MCCC2: variants seen among roughly 807,000 people sequenced by gnomAD.
MCCC2 encodes methylcrotonoyl-CoA carboxylase beta chain, mitochondrial.
In MCCC2, 52 loss-of-function variants were observed where a neutral mutation model predicts 77.2. The observed-to-expected ratio is 0.67, with a 90% confidence interval of 0.54 to 0.85. MCCC2 has a LOEUF of 0.85. Among genes scored for constraint, MCCC2 ranks in the 40% least tolerant of loss-of-function variants. The pLI, the probability that MCCC2 is intolerant of heterozygous loss-of-function variation, is 0.00. For missense variants in MCCC2, 682 were observed against 703.2 expected (o/e 0.97, Z 0.34); for synonymous variants, 253 against 248.4 (o/e 1.02, Z -0.18).
intron 6 of MCCC2, among the ~76,000 whole-genome samples, chr5:71,622,188 A>G (rs951367364): frequency 5.3e-5 from 8 of 152,064 alleles, no homozygotes; most frequent in Admixed American, 1.3e-4. Context: ...TCACTTGTCC[A>G]GTGAGCTTTG....
intron 11 of MCCC2, among the ~76,000 whole-genome samples, chr5:71,642,176 A>G (rs1247648612): frequency 6.8e-6 from 1 of 146,792 alleles, no homozygotes; most frequent in Non-Finnish European, 1.5e-5. Context: ...ACTGTACTGG[A>G]GTTCAAATAC....
chr5:71,649,949 C>A, intron 14 of MCCC2, 120 bp from the exon 15 acceptor site: 1 of 769,268 alleles, frequency 1.3e-6, no homozygotes, highest in Non-Finnish European at 2.3e-6. Flanking sequence ...GAAAGCTCTA[C>A]AGATGATTGT....
intron 10 of MCCC2, 155 bp downstream of exon 10, chr5:71,635,401 C>T: frequency 2.7e-6 from 2 of 733,902 alleles, no homozygotes; most frequent in East Asian, 5.4e-5. Flanking sequence ...GATACCTTTC[C>T]ATACTGTGGA....
intron 2 of MCCC2, among the ~76,000 whole-genome samples, chr5:71,594,046 C>T: frequency 6.6e-6 from 1 of 152,128 alleles, no homozygotes. Flanking sequence ...TGAGACTGTA[C>T]CTGTGCCCCT....
intron 16 of MCCC2, among the ~76,000 whole-genome samples, chr5:71,655,422 A>T (rs1747552105): frequency 6.6e-6 from 1 of 152,180 alleles, no homozygotes; most frequent in South Asian, 2.1e-4. Context: ...AGTTGTTTTT[A>T]TAATCAAACT....
At chr5:71,651,103 GT>G (rs1323953887) in intron 15 of MCCC2, among the ~76,000 whole-genome samples, 3 of 152,188 alleles carry the variant, frequency 2.0e-5, no homozygotes, top group Non-Finnish European at 2.9e-5. Context: ...GAAACTGACA[GT>G]AAGTATCTGA....
chr5:71,628,660 G>A (rs1746613543), intron 7 of MCCC2, among the ~76,000 whole-genome samples: 1 of 151,988 alleles, frequency 6.6e-6, no homozygotes. Flanking sequence ...GAATGGTCTT[G>A]GCAGAAAAAA....
At chr5:71,619,121 C>G (rs146421908) in intron 6 of MCCC2, among the ~76,000 whole-genome samples, 18 of 152,138 alleles carry the variant, frequency 1.2e-4, no homozygotes, top group Admixed American at 9.8e-4. Flanking sequence ...CTTTCTCCCC[C>G]CTACCTTACC....
chr5:71,593,958 G>T (rs765059129), intron 2 of MCCC2, among the ~76,000 whole-genome samples: 2 of 152,110 alleles, frequency 1.3e-5, no homozygotes, highest in Non-Finnish European at 2.9e-5. Flanking sequence ...TAGAGACAGG[G>T]TCTCCTCACT....
chr5:71,630,849 G>A (rs1473875100), intron 7 of MCCC2, among the ~76,000 whole-genome samples: 3 of 151,754 alleles, frequency 2.0e-5, no homozygotes, highest in Admixed American at 2.0e-4. Context: ...TTAGATTAAT[G>A]TTCATTATTC....
At chr5:71,620,820 C>T (rs1195031022) in intron 6 of MCCC2, among the ~76,000 whole-genome samples, 1 of 152,256 alleles carries the variant, frequency 6.6e-6, no homozygotes, top group East Asian at 1.9e-4. Flanking sequence ...CCTTCTTGCA[C>T]GTTCTTACTC....
chr5:71,590,816 C>CAAAAAAA (rs35575009), intron 1 of MCCC2, among the ~76,000 whole-genome samples: 1 of 130,032 alleles, frequency 7.7e-6, no homozygotes. Context: ...GACTCCGTCT[C>CAAAAAAA]AAAAAAAAAA....
At chr5:71,595,640 G>T (rs957083739) in intron 2 of MCCC2, among the ~76,000 whole-genome samples, 5 of 152,042 alleles carry the variant, frequency 3.3e-5, no homozygotes, top group African/African-American at 4.8e-5. Flanking sequence ...CATTACCTTG[G>T]TTTGCCGAGA....
chr5:71,632,089 G>A (rs774549990), intron 7 of MCCC2, 32 bp from the exon 8 acceptor site: 20 of 1,603,742 alleles, frequency 1.2e-5, no homozygotes, highest in South Asian at 2.2e-5. Context: ...CTGATGGACC[G>A]ATTTCACTGA....
intron 11 of MCCC2, among the ~76,000 whole-genome samples, chr5:71,641,608 A>G (rs1227974089): frequency 2.0e-5 from 3 of 152,240 alleles, no homozygotes; most frequent in Admixed American, 6.5e-5. Flanking sequence ...AAGGATGTTT[A>G]TAAAAGTTAA....
At chr5:71,599,231 G>T (rs1461393636) in intron 3 of MCCC2, among the ~76,000 whole-genome samples, 1 of 152,090 alleles carries the variant, frequency 6.6e-6, no homozygotes, top group Non-Finnish European at 1.5e-5. Flanking sequence ...TTAGCTGGTT[G>T]TGGTGGCGCA....
intron 4 of MCCC2, among the ~76,000 whole-genome samples, chr5:71,601,460 A>C (rs941716419): frequency 2.0e-5 from 3 of 152,226 alleles, no homozygotes; most frequent in African/African-American, 7.2e-5. Flanking sequence ...TTAAATCATT[A>C]AAAGTTTGCA....
At chr5:71,618,486 CTTCT>C (rs1364154541) in intron 6 of MCCC2, among the ~76,000 whole-genome samples, 10 of 138,074 alleles carry the variant, frequency 7.2e-5, no homozygotes, top group Non-Finnish European at 1.2e-4. Flanking sequence ...TCCTTCTTTC[CTTCT>C]TCCTTCCTTC....
Position 71,604,392 on chromosome 5 carries a change from A to C in MCCC2, c.548A>C (p.Asp183Ala). Reference protein sequence around the residue: ...SGGAYLPRQADVFPDRDHFGR... With the variant: ...SGGAYLPRQAAVFPDRDHFGR... Reference sequence around the variant, plus strand: ...GGAGCATACTTACCTCGACAAGCAGATGTGTTTCCAGATCGAGACCACTTT... The same window carrying C: ...GGAGCATACTTACCTCGACAAGCAGCTGTGTTTCCAGATCGAGACCACTTT... Residue 183 changes from aspartate (D) to alanine (A), a missense_variant, in exon 6 of 17, where the codon GAT becomes GCT. By Grantham distance (126) the Asp-to-Ala change is moderately radical. Coordinates refer to ENST00000340941, the MANE Select transcript of MCCC2 (RefSeq NM_022132.5). The C allele has an allele frequency of 6.2e-7, 1 of 1,614,076 alleles. No individual in the cohort carries two copies. Among genetic ancestry groups the C allele is most frequent in the Non-Finnish European group, 8.5e-7 (1 of 1,180,014 alleles).
Sources: allele counts gnomAD v4.1 joint callset (sites outside exome capture counted in the v4.1 genomes callset), GRCh38; gene constraint gnomAD v4.1.1; transcripts MANE v1.5; gene names NCBI Gene and HGNC (gene_info 2026-07-23, HGNC 2026-07-21).